The following PDE4D variants were observed in gnomAD, a reference collection of about 807,000 sequenced individuals.
The protein encoded by PDE4D is 3',5'-cyclic-AMP phosphodiesterase 4D.
Under a neutral mutation model 87.4 loss-of-function variants are expected in PDE4D, and 24 were observed. The ratio of observed to expected loss-of-function variants is 0.27; its 90% CI spans 0.20 to 0.39. The LOEUF is 0.39. PDE4D is among the 10% of genes least tolerant of loss of function. The probability of loss-of-function intolerance (pLI) is 1.00; values close to 1 mark genes in which losing one functional copy is unlikely to be tolerated. For synonymous variants in PDE4D, 384 were observed against 383.2 expected (o/e 1.00, Z -0.02); for missense variants, 714 against 1,041.0 (o/e 0.69, Z 4.32).
At chr5:59,681,292 AC>A (rs1473787006) in intron 1 of PDE4D, among the ~76,000 whole-genome samples, 1 of 152,200 alleles carries the variant, frequency 6.6e-6, no homozygotes, top group African/African-American at 2.4e-5. Context: ...AATGATATTA[AC>A]CAACAATATT....
intron 1 of PDE4D, among the ~76,000 whole-genome samples, chr5:60,302,950 C>T (rs1159783987): frequency 6.6e-6 from 1 of 152,108 alleles, no homozygotes; most frequent in East Asian, 1.9e-4. Flanking sequence ...CTGCCTCAGG[C>T]TCCCAAGTAG....
At chr5:59,689,225 C>T (rs1259849558) in intron 1 of PDE4D, among the ~76,000 whole-genome samples, 1 of 152,140 alleles carries the variant, frequency 6.6e-6, no homozygotes, top group East Asian at 1.9e-4. Flanking sequence ...TTTTATAAGG[C>T]CAGCATTATC....
chr5:59,537,728 A>G (rs1815534115), intron 1 of PDE4D, among the ~76,000 whole-genome samples: 1 of 152,252 alleles, frequency 6.6e-6, no homozygotes, highest in South Asian at 2.1e-4. Context: ...CTTATTTGAT[A>G]TGATAGAAGA....
intron 5 of PDE4D, among the ~76,000 whole-genome samples, chr5:59,074,627 G>A (rs1264533721): frequency 6.6e-6 from 1 of 152,102 alleles, no homozygotes; most frequent in African/African-American, 2.4e-5. Flanking sequence ...GCGTGGTGGT[G>A]CATGCCTGTA....
chr5:59,962,026 G>A (rs895579304), intron 3 of PDE4D, among the ~76,000 whole-genome samples: 9 of 152,102 alleles, frequency 5.9e-5, no homozygotes, highest in Non-Finnish European at 1.2e-4. Context: ...TTCAATATAC[G>A]TGAAGGATGC....
At chr5:59,362,166 T>A (rs1210083442) in intron 1 of PDE4D, among the ~76,000 whole-genome samples, 1 of 152,180 alleles carries the variant, frequency 6.6e-6, no homozygotes, top group East Asian at 1.9e-4. Flanking sequence ...ATAAAAACAT[T>A]CTGAAAACTG....
chr5:59,822,478 T>A (rs1769812121), intron 1 of PDE4D, among the ~76,000 whole-genome samples: 1 of 152,216 alleles, frequency 6.6e-6, no homozygotes, highest in Non-Finnish European at 1.5e-5. Flanking sequence ...TTTATGTAAC[T>A]TCCCCTTTTT....
intron 1 of PDE4D, among the ~76,000 whole-genome samples, chr5:59,762,891 A>ATATATATC: frequency 8.5e-6 from 1 of 117,648 alleles, no homozygotes; most frequent in Non-Finnish European, 1.8e-5. Flanking sequence ...ATATATATAT[A>ATATATATC]TAGCTTGCTC....
chr5:59,492,140 G>C (rs1035526716), intron 1 of PDE4D, among the ~76,000 whole-genome samples: 1 of 152,050 alleles, frequency 6.6e-6, no homozygotes, highest in Non-Finnish European at 1.5e-5. Context: ...TCTGGCTTAC[G>C]GCATGTTGCA....
intron 5 of PDE4D, among the ~76,000 whole-genome samples, chr5:59,089,553 G>A (rs1282627683): frequency 6.6e-6 from 1 of 152,076 alleles, no homozygotes; most frequent in Non-Finnish European, 1.5e-5. Context: ...GATAGCTGGG[G>A]AAACTGAGGC....
intron 1 of PDE4D, among the ~76,000 whole-genome samples, chr5:59,664,723 A>C (rs1325131141): frequency 6.6e-6 from 1 of 152,218 alleles, no homozygotes; most frequent in Non-Finnish European, 1.5e-5. Flanking sequence ...ATATTTAAGG[A>C]CAGAGAGAAA....
chr5:59,108,905 T>TTAAAAAA (rs1772083433), intron 5 of PDE4D, among the ~76,000 whole-genome samples: 1 of 65,284 alleles, frequency 1.5e-5, no homozygotes, highest in Non-Finnish European at 3.3e-5. Context: ...AGATTCCTTC[T>TTAAAAAA]CAAAAAAAAA....
intron 1 of PDE4D, among the ~76,000 whole-genome samples, chr5:60,211,502 G>T (rs867388488): frequency 6.7e-6 from 1 of 148,316 alleles, no homozygotes; most frequent in Non-Finnish European, 1.5e-5. Flanking sequence ...TATATATATA[G>T]ATATATATGT....
In PDE4D at chr5:59,629,028, AACTC is replaced by A. The variant is rs549156403; in HGVS notation, c.455+264136_455+264139del. 3.9e-4 allele frequency among the ~76,000 whole-genome samples: 60 copies of A among 152,276 alleles called. 1 individual carries two copies. The East Asian group carries it at 0.01, about 26-fold the overall frequency. ...TTAAAAAACCATCAGATCTCATGAG[AACTC>A]ACTCACTATCATGAGAACAGCATGA... is the stretch of plus-strand genomic sequence containing the variant. On this transcript the variant is annotated intron_variant, in intron 1 of 14. Coordinates refer to ENST00000340635, the MANE Select transcript of PDE4D (RefSeq NM_001104631.2).
At chr5:60,301,250 G>C (rs1663864811) in intron 1 of PDE4D, among the ~76,000 whole-genome samples, 1 of 152,184 alleles carries the variant, frequency 6.6e-6, no homozygotes, top group Admixed American at 6.5e-5. Context: ...ATTCTGTGAA[G>C]AATGTCAATG....
At chr5:59,637,188 C>T (rs1832353698) in intron 1 of PDE4D, among the ~76,000 whole-genome samples, 1 of 152,122 alleles carries the variant, frequency 6.6e-6, no homozygotes, top group Non-Finnish European at 1.5e-5. Context: ...ATCAAAACTA[C>T]AATGAGATAC....
At chr5:59,597,520 A>T (rs1031922307) in intron 1 of PDE4D, among the ~76,000 whole-genome samples, 1 of 152,060 alleles carries the variant, frequency 6.6e-6, no homozygotes, top group African/African-American at 2.4e-5. Context: ...GAGGTGAGAG[A>T]GAGAGAAAGA....
chr5:60,311,034 T>G (rs1754984684), intron 1 of PDE4D, among the ~76,000 whole-genome samples: 1 of 146,190 alleles, frequency 6.8e-6, no homozygotes, highest in Non-Finnish European at 1.5e-5. Context: ...TTTTTTTTTT[T>G]GAGGTGGAGT....
At chr5:59,051,821 T>C (rs746161246) in intron 5 of PDE4D, among the ~76,000 whole-genome samples, 1 of 152,220 alleles carries the variant, frequency 6.6e-6, no homozygotes, top group Non-Finnish European at 1.5e-5. Flanking sequence ...CATTAACAAA[T>C]ACATGTGTTT....
Sources: gnomAD v4.1 joint callset for allele counts (sites outside exome capture counted in the v4.1 genomes callset) on GRCh38, gnomAD v4.1.1 for gene constraint, MANE v1.5 for transcripts, NCBI Gene and HGNC (gene_info 2026-07-23, HGNC 2026-07-21) for gene names.